FAAH2: variants seen among roughly 807,000 people sequenced by gnomAD.
FAAH2 encodes the protein fatty-acid amide hydrolase 2.
Under a neutral mutation model 36.9 loss-of-function variants are expected in FAAH2, and 60 were observed. The observed-to-expected ratio is 1.63, with a 90% CI of 1.32 to 2.02. The LOEUF (loss-of-function observed/expected upper bound fraction) is 2.02. Among genes scored for constraint, FAAH2 ranks in the 30% most tolerant of loss-of-function variants. The probability of loss-of-function intolerance (pLI) is 0.00; values close to 1 mark genes in which losing one functional copy is unlikely to be tolerated. For missense variants in FAAH2, 689 were observed against 397.5 expected, an observed-to-expected ratio of 1.73 and a Z score of -6.23; for synonymous variants, 214 against 143.8, an observed-to-expected ratio of 1.49 and a Z score of -3.49.
At chrX:57,486,554 C>T (rs1285564664) in intron 10 of FAAH2, among the ~76,000 whole-genome samples, 2 of 111,911 alleles carry the variant, frequency 1.8e-5, no homozygotes, top group African/African-American at 3.2e-5. Context: ...TCCATGTGCT[C>T]ATCATTGTGA....
chrX:57,407,262 C>CT (rs2055589199), intron 7 of FAAH2, among the ~76,000 whole-genome samples: 1 of 111,801 alleles, frequency 8.9e-6, no homozygotes, highest in Admixed American at 9.5e-5. Flanking sequence ...AAGATGGTGG[C>CT]TTATACTGGG....
chrX:57,425,086 A>C (rs1201457174), intron 7 of FAAH2, among the ~76,000 whole-genome samples: 1 of 111,723 alleles, frequency 9.0e-6, no homozygotes, highest in African/African-American at 3.2e-5. Context: ...TACAACATAC[A>C]ATTAAAACCT....
intron 5 of FAAH2, among the ~76,000 whole-genome samples, chrX:57,345,157 G>T (rs2053788368): frequency 9.7e-6 from 1 of 102,624 alleles, no homozygotes. Flanking sequence ...CAGTAGTATT[G>T]GTACCAGGTT....
chrX:57,206,965 G>A, the FAAH2 span, among the ~76,000 whole-genome samples: 3 of 111,498 alleles, frequency 2.7e-5, no homozygotes, highest in Non-Finnish European at 5.7e-5. Flanking sequence ...TTACTCAGTG[G>A]CCATCATTCT....
At chrX:57,485,013 T>A (rs1286920024) in intron 10 of FAAH2, among the ~76,000 whole-genome samples, 1 of 111,619 alleles carries the variant, frequency 9.0e-6, no homozygotes, top group East Asian at 2.9e-4. Flanking sequence ...ATAACTGGCC[T>A]GTGGTTATTG....
the FAAH2 span, among the ~76,000 whole-genome samples, chrX:57,177,840 A>G: frequency 9.2e-6 from 1 of 108,922 alleles, no homozygotes; most frequent in Non-Finnish European, 1.9e-5. Flanking sequence ...CAGTGCAACT[A>G]TGTCTCTGCT....
At chrX:57,415,553 C>T (rs774009619) in intron 7 of FAAH2, among the ~76,000 whole-genome samples, 9 of 111,963 alleles carry the variant, frequency 8.0e-5, no homozygotes, top group African/African-American at 2.6e-4. Context: ...GCTTCTTAAT[C>T]CTGACTTCTA....
chrX:57,293,518 A>G (rs2052046592), intron 2 of FAAH2, among the ~76,000 whole-genome samples: 1 of 111,968 alleles, frequency 8.9e-6, no homozygotes, highest in East Asian at 2.8e-4. Context: ...TGTGATGCCA[A>G]GCTTACATAA....
chrX:57,196,695 C>G, the FAAH2 span, among the ~76,000 whole-genome samples: 1 of 111,724 alleles, frequency 9.0e-6, no homozygotes, highest in Non-Finnish European at 1.9e-5. Flanking sequence ...TGTGGATATG[C>G]AATAGATAGC....
the FAAH2 span, among the ~76,000 whole-genome samples, chrX:57,132,432 A>G: frequency 8.9e-6 from 1 of 112,294 alleles, no homozygotes; most frequent in Non-Finnish European, 1.9e-5. Flanking sequence ...TCTGTCATCT[A>G]TGGTTTTCAC....
At chrX:57,436,106 C>T (rs2056404784) in intron 8 of FAAH2, among the ~76,000 whole-genome samples, 1 of 110,938 alleles carries the variant, frequency 9.0e-6, no homozygotes, top group Non-Finnish European at 1.9e-5. Flanking sequence ...AAACATGTTC[C>T]TTAATGATTA....
At chrX:57,185,306 T>C in the FAAH2 span, among the ~76,000 whole-genome samples, 1 of 111,377 alleles carries the variant, frequency 9.0e-6, no homozygotes, top group Non-Finnish European at 1.9e-5. Flanking sequence ...TTTTGATTTT[T>C]AGATCCTACA....
chrX:57,274,219 G>A, the FAAH2 span, among the ~76,000 whole-genome samples: 4 of 111,905 alleles, frequency 3.6e-5, no homozygotes, highest in Non-Finnish European at 3.8e-5. Flanking sequence ...GAAAGAAGTT[G>A]AATCCCTGAA....
the FAAH2 span, among the ~76,000 whole-genome samples, chrX:57,159,341 A>G: frequency 8.9e-6 from 1 of 111,797 alleles, no homozygotes; most frequent in Non-Finnish European, 1.9e-5. Flanking sequence ...TTGGTTCCAT[A>G]TGAACTTTAA....
Position 57,327,997 on chromosome X carries a change from T to A in FAAH2, c.413-3601T>A, listed in dbSNP as rs981623659. 6.3e-5 allele frequency among the ~76,000 whole-genome samples: 7 copies of A among 111,708 alleles called. No individual in the cohort carries two copies. In the East Asian group the frequency reaches 2.0e-3, roughly 31 times the overall value. On this transcript the variant is annotated intron_variant, in intron 3 of 10. Coordinates refer to ENST00000374900, the MANE Select transcript of FAAH2 (RefSeq NM_174912.4). Reference sequence around the variant, plus strand: ...TATCTACCTTTGGTCTTTGATGATGTGATGTACAGATGGGTTTTTGGTGTG... The same window carrying A: ...TATCTACCTTTGGTCTTTGATGATGAGATGTACAGATGGGTTTTTGGTGTG...
chrX:57,324,168 T>A, intron 3 of FAAH2, among the ~76,000 whole-genome samples: 1 of 111,762 alleles, frequency 8.9e-6, no homozygotes, highest in South Asian at 3.7e-4. Flanking sequence ...TGGCATTATT[T>A]CTGAGGGCTC....
At chrX:57,212,900 A>G in the FAAH2 span, among the ~76,000 whole-genome samples, 2 of 111,747 alleles carry the variant, frequency 1.8e-5, no homozygotes, top group Non-Finnish European at 3.8e-5. Flanking sequence ...GAGGGTTGGT[A>G]CCAGTTATTT....
At chrX:57,348,369 CATTGCT>C (rs901506398) in intron 5 of FAAH2, among the ~76,000 whole-genome samples, 4 of 111,226 alleles carry the variant, frequency 3.6e-5, no homozygotes, top group Non-Finnish European at 7.5e-5. Flanking sequence ...GGACATCTTA[CATTGCT>C]ATTGCTATTG....
At chrX:57,235,234 C>T in the FAAH2 span, among the ~76,000 whole-genome samples, 1 of 110,893 alleles carries the variant, frequency 9.0e-6, no homozygotes, top group Non-Finnish European at 1.9e-5. Flanking sequence ...GCAATTGTCT[C>T]GATTTTGCTT....
Sources: allele counts gnomAD v4.1 joint callset (sites outside exome capture counted in the v4.1 genomes callset), GRCh38; gene constraint gnomAD v4.1.1; transcripts MANE v1.5; gene names NCBI Gene and HGNC (gene_info 2026-07-23, HGNC 2026-07-21).